COL23A1: variants seen among roughly 807,000 people sequenced by gnomAD.
COL23A1 encodes the protein collagen alpha-1(XXIII) chain.
In COL23A1, 97 loss-of-function variants were observed where a neutral mutation model predicts 99.3. The ratio of observed to expected loss-of-function variants is 0.98; its 90% confidence interval spans 0.83 to 1.16. The LOEUF is 1.16. Ranked by LOEUF, COL23A1 falls within the 50% of genes most tolerant of loss-of-function variation. COL23A1 has a pLI of 0.00. For missense variants in COL23A1, 762 were observed against 757.4 expected, an observed-to-expected ratio of 1.01 and a Z score of -0.07; for synonymous variants, 320 against 308.2, an observed-to-expected ratio of 1.04 and a Z score of -0.40.
chr5:178,410,760 C>G (rs1765016096), intron 2 of COL23A1, among the ~76,000 whole-genome samples: 1 of 152,106 alleles, frequency 6.6e-6, no homozygotes, highest in Non-Finnish European at 1.5e-5. Context: ...AAAGAAAAAC[C>G]TTCATCAAAA....
chr5:178,409,809 A>G (rs1034896641), intron 2 of COL23A1, among the ~76,000 whole-genome samples: 1 of 152,244 alleles, frequency 6.6e-6, no homozygotes, highest in Admixed American at 6.5e-5. Flanking sequence ...TAAAGGATAG[A>G]TTGTTCAGAA....
At chr5:178,364,274 G>C (rs1762334183) in intron 2 of COL23A1, among the ~76,000 whole-genome samples, 1 of 151,604 alleles carries the variant, frequency 6.6e-6, no homozygotes, top group African/African-American at 2.4e-5. Context: ...AGAACTGCCT[G>C]GCCCCCGCCC....
At chr5:178,341,581 C>T (rs1026936029) in intron 2 of COL23A1, among the ~76,000 whole-genome samples, 1 of 152,218 alleles carries the variant, frequency 6.6e-6, no homozygotes, top group African/African-American at 2.4e-5. Context: ...ATGGCTCTGC[C>T]TTGGGCTTTG....
At chr5:178,559,809 A>C (rs1236552859) in intron 2 of COL23A1, among the ~76,000 whole-genome samples, 2 of 136,094 alleles carry the variant, frequency 1.5e-5, no homozygotes, top group Non-Finnish European at 3.2e-5. Context: ...GAGACACATC[A>C]CCCAAAAGTC....
intron 2 of COL23A1, among the ~76,000 whole-genome samples, chr5:178,342,793 AAAAAC>A (rs1207808478): frequency 4.2e-5 from 5 of 118,556 alleles, no homozygotes; most frequent in African/African-American, 2.6e-5. Context: ...TCAAGAAAAA[AAAAAC>A]AAACAAACAG....
rs1406592335 is a variant in COL23A1 at position 178,544,850 on chromosome 5, C to T, written c.361+15832G>A. Among the ~76,000 whole-genome samples the T allele has an allele frequency of 2.0e-5, 3 of 152,116 alleles. No individual in the cohort carries two copies. The highest frequency in any genetic ancestry group is 4.4e-5 in the Non-Finnish European group (3 of 68,014). On this transcript the variant is annotated intron_variant, in intron 2 of 28. Transcript: ENST00000390654. The surrounding 1 kb of genome is among the most constrained non-coding windows in gnomAD (Gnocchi z 4.4). ...CCAAAGCGGGTGGATTGGTGGAGCC[C>T]AGGAGTTTGAGACCAGGGAGGCCAG...
chr5:178,478,417 G>A (rs552938746), intron 2 of COL23A1, among the ~76,000 whole-genome samples: 1 of 152,346 alleles, frequency 6.6e-6, no homozygotes, highest in Non-Finnish European at 1.5e-5. Flanking sequence ...CAAAACGATA[G>A]TGCCATTTCT....
At chr5:178,341,833 T>C (rs1411454876) in intron 2 of COL23A1, among the ~76,000 whole-genome samples, 2 of 152,118 alleles carry the variant, frequency 1.3e-5, no homozygotes, top group African/African-American at 4.8e-5. Flanking sequence ...GCTCTTCCTG[T>C]TTCTGGGGCC....
rs370285234 is a variant in COL23A1, at chr5:178,332,909, T to C, written c.362-25990A>G. Among the ~76,000 whole-genome samples, 279 of 152,118 alleles carry C rather than the reference T, an allele frequency of 1.8e-3. 3 individuals carry two copies. The highest frequency in any genetic ancestry group is 6.4e-3 in the African/African-American group (264 of 41,520). ...CAAGAGAAGCCAGACATCGGGATTT[T>C]GATGTGAAATATCTCTTATTTTTCA... On this transcript the variant is annotated intron_variant, in intron 2 of 28. Transcript: ENST00000390654.
intron 2 of COL23A1, among the ~76,000 whole-genome samples, chr5:178,463,760 C>T (rs1463684334): frequency 2.0e-5 from 3 of 152,206 alleles, no homozygotes; most frequent in Non-Finnish European, 4.4e-5. Context: ...TGGGAACGGA[C>T]GTTTTGTTTA....
At chr5:178,528,077 C>A (rs1041985020) in intron 2 of COL23A1, among the ~76,000 whole-genome samples, 2 of 152,198 alleles carry the variant, frequency 1.3e-5, no homozygotes, top group Non-Finnish European at 2.9e-5. Context: ...CATCTGTGCA[C>A]CTCAGATGCG....
intron 2 of COL23A1, among the ~76,000 whole-genome samples, chr5:178,408,943 G>A (rs1156627875): frequency 2.5e-5 from 3 of 119,158 alleles, no homozygotes; most frequent in East Asian, 2.4e-4. Flanking sequence ...CGACAAGAGC[G>A]AAACTCTGTC....
At chr5:178,318,177 A>G (rs947003668) in intron 2 of COL23A1, among the ~76,000 whole-genome samples, 3 of 152,262 alleles carry the variant, frequency 2.0e-5, no homozygotes, top group African/African-American at 7.2e-5. Flanking sequence ...CCTCTTGTTC[A>G]TGTTTCCAGA....
chr5:178,557,636 T>C (rs1762347238), intron 2 of COL23A1, among the ~76,000 whole-genome samples: 1 of 152,116 alleles, frequency 6.6e-6, no homozygotes, highest in South Asian at 2.1e-4. Flanking sequence ...CCCGGGCTGC[T>C]AGGTGGGGAG....
At chr5:178,426,010 C>T (rs558806935) in intron 2 of COL23A1, among the ~76,000 whole-genome samples, 89 of 152,264 alleles carry the variant, frequency 5.8e-4, no homozygotes, top group Middle Eastern at 3.4e-3. Context: ...GGAACTCCCT[C>T]CTCTATTCTC....
chr5:178,586,622 A>AAAG (rs34075417), intron 1 of COL23A1, among the ~76,000 whole-genome samples: 3 of 151,632 alleles, frequency 2.0e-5, no homozygotes, highest in African/African-American at 7.3e-5. Context: ...AAAAAAAAAA[A>AAAG]GGACAAGAAA....
intron 2 of COL23A1, among the ~76,000 whole-genome samples, chr5:178,477,038 G>C (rs1032774494): frequency 6.6e-6 from 1 of 152,138 alleles, no homozygotes; most frequent in African/African-American, 2.4e-5. Flanking sequence ...CCTATAGTAG[G>C]GTTAACAGAA....
intron 2 of COL23A1, among the ~76,000 whole-genome samples, chr5:178,338,653 A>G (rs1459965425): frequency 6.6e-6 from 1 of 152,118 alleles, no homozygotes; most frequent in African/African-American, 2.4e-5. Context: ...CTCCTGGGTC[A>G]CTGGCCAGCA....
At chr5:178,347,461 C>CT (rs146469802) in intron 2 of COL23A1, among the ~76,000 whole-genome samples, 20,659 of 151,248 alleles carry the variant, frequency 0.14, 1,551 homozygotes, top group Middle Eastern at 0.22. Context: ...GCCAGGGCTT[C>CT]TCTCTGGGGT....
Sources: allele counts gnomAD v4.1 joint callset (sites outside exome capture counted in the v4.1 genomes callset), GRCh38; gene constraint gnomAD v4.1.1; non-coding constraint Gnocchi (gnomAD v3.1); transcripts MANE v1.5; gene names NCBI Gene and HGNC (gene_info 2026-07-23, HGNC 2026-07-21).